The following SLC16A7 variants were observed in gnomAD, a reference collection of about 807,000 sequenced individuals.
The protein encoded by SLC16A7 is solute carrier family 16 member 7.
SLC16A7 carries 33 observed loss-of-function variants against 34.9 expected under a neutral mutation model. The observed-to-expected ratio is 0.94, with a 90% CI of 0.72 to 1.26. The LOEUF is 1.26. Ranked by LOEUF, SLC16A7 falls within the 50% of genes most tolerant of loss-of-function variation. SLC16A7 has a pLI of 0.00. For synonymous variants in SLC16A7, 201 were observed against 206.6 expected (o/e 0.97, Z 0.23); for missense variants, 573 against 578.1 (o/e 0.99, Z 0.09).
intron 1 of SLC16A7, among the ~76,000 whole-genome samples, chr12:59,640,317 G>A (rs189773462): frequency 6.6e-6 from 1 of 152,178 alleles, no homozygotes; most frequent in African/African-American, 2.4e-5. Context: ...TTTAATATTT[G>A]ACTTTTGGGG....
chr12:59,764,369 A>C (rs897757836), intron 3 of SLC16A7, among the ~76,000 whole-genome samples: 3 of 152,134 alleles, frequency 2.0e-5, no homozygotes, highest in African/African-American at 7.2e-5. Flanking sequence ...TTTAGAGTAC[A>C]TGTGCACAAC....
At chr12:59,638,545 G>T (rs986752642) in intron 1 of SLC16A7, among the ~76,000 whole-genome samples, 1 of 152,068 alleles carries the variant, frequency 6.6e-6, no homozygotes, top group African/African-American at 2.4e-5. Context: ...TATTCTACAA[G>T]TAATTCTTAT....
chr12:59,602,700 G>T (rs1878747368), intron 1 of SLC16A7, among the ~76,000 whole-genome samples: 2 of 151,874 alleles, frequency 1.3e-5, no homozygotes, highest in African/African-American at 4.8e-5. Flanking sequence ...GGCCAGGCTG[G>T]TCTCGAACTC....
At chr12:59,634,321 A>C (rs1880320245) in intron 1 of SLC16A7, among the ~76,000 whole-genome samples, 1 of 152,012 alleles carries the variant, frequency 6.6e-6, no homozygotes, top group African/African-American at 2.4e-5. Context: ...TTATTTTGTT[A>C]AAGAAAAAAA....
At chr12:59,664,348 T>G (rs370163747) in intron 2 of SLC16A7, among the ~76,000 whole-genome samples, 4 of 151,990 alleles carry the variant, frequency 2.6e-5, no homozygotes, top group African/African-American at 4.8e-5. Flanking sequence ...TCACACAGGG[T>G]TGGGGACTCT....
chr12:59,672,396 G>T (rs558736573), intron 2 of SLC16A7, among the ~76,000 whole-genome samples: 1 of 151,422 alleles, frequency 6.6e-6, no homozygotes. Context: ...CCGGACCAGC[G>T]CTAGGCCTGT....
intron 2 of SLC16A7, among the ~76,000 whole-genome samples, chr12:59,688,724 T>C (rs994855502): frequency 6.6e-6 from 1 of 151,892 alleles, no homozygotes; most frequent in Non-Finnish European, 1.5e-5. Context: ...GACAAATCAA[T>C]ATAAAACAAA....
intron 2 of SLC16A7, among the ~76,000 whole-genome samples, chr12:59,655,902 T>G (rs1868510645): frequency 6.6e-6 from 1 of 151,998 alleles, no homozygotes; most frequent in Non-Finnish European, 1.5e-5. Context: ...AGGGAGATAA[T>G]TTAAAATCCA....
At position 59,788,186 on chromosome 12, in the gene SLC16A7, T is replaced by A. The variant is rs528961348; in HGVS notation, c.*8507T>A. The A allele has an allele frequency of 3.9e-5, 6 of 152,254 alleles. No individual in the cohort carries two copies. The highest frequency in any genetic ancestry group is 3.9e-4 in the Admixed American group (6 of 15,272). 9.4% of individuals were successfully genotyped at this position (152,254 alleles called of 1,614,324 possible). The stretch of plus-strand genomic sequence containing the variant: ...TTGAAACAAATATTTAAAATAAGAT[T>A]GTTGGAATAAAAGTTATAGATAGTC... On this transcript the variant is annotated 3_prime_UTR_variant, in exon 6 of 6. Transcript: ENST00000547379.
intron 3 of SLC16A7, among the ~76,000 whole-genome samples, chr12:59,745,290 T>G (rs1878771699): frequency 6.6e-6 from 1 of 152,182 alleles, no homozygotes; most frequent in African/African-American, 2.4e-5. Context: ...TGAGTTTAGG[T>G]CTAACCATTC....
rs538480997 is a variant in SLC16A7, at chr12:59,772,028, C to A, written c.361+666C>A. Among the ~76,000 whole-genome samples, 5 of 152,010 alleles carry A rather than the reference C, an allele frequency of 3.3e-5. No individual in the cohort carries two copies. The East Asian group carries it at 9.6e-4, about 29-fold the overall frequency. On this transcript the variant is annotated intron_variant, in intron 4 of 5. Coordinates refer to ENST00000547379, the MANE Select transcript of SLC16A7 (RefSeq NM_001270623.2). ...TCAAAATGACCACAATATGTACACC[C>A]GGAAAGCACTATTTTTATTAGTCTA...
At position 59,784,787 on chromosome 12, in the gene SLC16A7, A is replaced by T. The variant is rs1883499844; in HGVS notation, c.*5108A>T. On this transcript the variant is annotated 3_prime_UTR_variant, in exon 6 of 6. Coordinates refer to ENST00000547379, the MANE Select transcript of SLC16A7 (RefSeq NM_001270623.2). Reference sequence around the variant, plus strand: ...TTACATACACATATAATTGAATATGATTTTAGAGTCTTGAAAAACTGATCT... The same window carrying T: ...TTACATACACATATAATTGAATATGTTTTTAGAGTCTTGAAAAACTGATCT... 1 of 152,182 alleles carries T rather than the reference A, an allele frequency of 6.6e-6. No individual in the cohort carries two copies. The highest frequency in any genetic ancestry group is 1.5e-5 in the Non-Finnish European group (1 of 68,026). 9.4% of individuals were successfully genotyped at this position (152,182 alleles called of 1,614,324 possible).
chr12:59,663,616 T>G (rs1218804144), intron 2 of SLC16A7, among the ~76,000 whole-genome samples: 1 of 152,118 alleles, frequency 6.6e-6, no homozygotes, highest in Non-Finnish European at 1.5e-5. Flanking sequence ...TGCTTTTGGT[T>G]GTCAGATGTA....
At chr12:59,718,287 C>T (rs1412713330) in intron 3 of SLC16A7, among the ~76,000 whole-genome samples, 3 of 152,054 alleles carry the variant, frequency 2.0e-5, no homozygotes, top group African/African-American at 7.2e-5. Context: ...AAGTAAAGAG[C>T]CTGCATACAA....
chr12:59,641,708 A>C (rs1162083528), intron 1 of SLC16A7, among the ~76,000 whole-genome samples: 1 of 151,988 alleles, frequency 6.6e-6, no homozygotes, highest in African/African-American at 2.4e-5. Context: ...ATTGGATGTC[A>C]CTGTTTCTTA....
intron 1 of SLC16A7, among the ~76,000 whole-genome samples, chr12:59,631,882 T>G (rs1172249085): frequency 6.6e-6 from 1 of 151,964 alleles, no homozygotes; most frequent in Non-Finnish European, 1.5e-5. Context: ...TTCATGCCCA[T>G]AAGTAGCTTA....
At chr12:59,708,516 G>C (rs1873847268) in intron 3 of SLC16A7, among the ~76,000 whole-genome samples, 1 of 152,132 alleles carries the variant, frequency 6.6e-6, no homozygotes, top group South Asian at 2.1e-4. Flanking sequence ...AAAATTTGGA[G>C]AGCAAAGGTG....
chr12:59,706,172 A>C (rs1480981434), intron 3 of SLC16A7, among the ~76,000 whole-genome samples: 1 of 152,120 alleles, frequency 6.6e-6, no homozygotes, highest in African/African-American at 2.4e-5. Flanking sequence ...TTCTCTTTAC[A>C]TCTAGAGAGT....
At chr12:59,758,748 C>T (rs998266517) in intron 3 of SLC16A7, among the ~76,000 whole-genome samples, 3 of 152,094 alleles carry the variant, frequency 2.0e-5, no homozygotes, top group Non-Finnish European at 4.4e-5. Flanking sequence ...ATTGTTGCTA[C>T]AGTACCACAT....
Sources: gnomAD v4.1 joint callset for allele counts (sites outside exome capture counted in the v4.1 genomes callset) on GRCh38, gnomAD v4.1.1 for gene constraint, MANE v1.5 for transcripts, NCBI Gene and HGNC (gene_info 2026-07-23, HGNC 2026-07-21) for gene names.